Variants in GRM5 observed in about 807,000 individuals in gnomAD.
GRM5 encodes metabotropic glutamate receptor 5.
GRM5 carries 19 observed loss-of-function variants against 83.1 expected under a neutral mutation model. The ratio of observed to expected loss-of-function variants is 0.23; its 90% CI spans 0.16 to 0.34. GRM5 has a LOEUF of 0.34. GRM5 is among the 10% of genes least tolerant of loss of function. The pLI, the probability that GRM5 is intolerant of heterozygous loss-of-function variation, is 1.00. For synonymous variants in GRM5, 675 were observed against 633.6 expected (o/e 1.07, Z -0.98); for missense variants, 1,160 against 1,588.3 (o/e 0.73, Z 4.58).
At chr11:88,935,682 G>A (rs1937869538) in intron 2 of GRM5, among the ~76,000 whole-genome samples, 1 of 151,826 alleles carries the variant, frequency 6.6e-6, no homozygotes, top group Admixed American at 6.6e-5. Flanking sequence ...CTCCTTCAAC[G>A]GATGAATGAA....
rs1398397569 is a variant in GRM5, at chr11:88,634,284, T to C, written c.1147+18884A>G. On this transcript the variant is annotated intron_variant, in intron 4 of 9. Coordinates refer to ENST00000305447, the MANE Select transcript of GRM5 (RefSeq NM_001143831.3). ...TAGGCTACACTAAATTTATAAAAAA[T>C]ATTATTTTTCTTTCTTCAAATTCAC... Among the ~76,000 whole-genome samples, 3 of 152,152 alleles carry C rather than the reference T, an allele frequency of 2.0e-5. No individual in the cohort carries two copies. The East Asian group carries it at 5.8e-4, about 29-fold the overall frequency.
intron 2 of GRM5, among the ~76,000 whole-genome samples, chr11:89,034,560 A>G (rs1328416773): frequency 6.6e-6 from 1 of 151,828 alleles, no homozygotes; most frequent in East Asian, 1.9e-4. Flanking sequence ...AAGTGCTTCC[A>G]GTTCACTTTT....
At chr11:88,636,249 C>A (rs959233458) in intron 4 of GRM5, among the ~76,000 whole-genome samples, 1 of 152,208 alleles carries the variant, frequency 6.6e-6, no homozygotes, top group African/African-American at 2.4e-5. Context: ...CGGTGGCTCA[C>A]GCTTGTAATC....
chr11:88,592,858 G>T (rs1341617660), intron 6 of GRM5, among the ~76,000 whole-genome samples: 1 of 152,042 alleles, frequency 6.6e-6, no homozygotes, highest in African/African-American at 2.4e-5. Context: ...TGTTGCTTAG[G>T]CTGGGAGTGC....
chr11:88,596,440 T>C (rs1225373160), intron 6 of GRM5, among the ~76,000 whole-genome samples: 1 of 152,166 alleles, frequency 6.6e-6, no homozygotes, highest in African/African-American at 2.4e-5. Context: ...GTTCAATGTA[T>C]TTAGTATGAT....
chr11:88,749,081 C>A (rs990025437), intron 3 of GRM5, among the ~76,000 whole-genome samples: 3 of 152,182 alleles, frequency 2.0e-5, no homozygotes, highest in Non-Finnish European at 4.4e-5. Flanking sequence ...GGACCCAGAA[C>A]TGGACTGAGG....
rs181894278 is a variant in GRM5 at position 89,025,396 on chromosome 11, G to T, written c.661+21816C>A. ...CATATTGATGAAGACTTCAGTGAGA[G>T]TGAAAATATGAGAAAGGTTAATGCA... On this transcript the variant is annotated intron_variant, in intron 2 of 9. Transcript: ENST00000305447. Among the ~76,000 whole-genome samples, 4 of 151,846 alleles carry T rather than the reference G, an allele frequency of 2.6e-5. No homozygotes were observed. The East Asian group carries it at 7.7e-4, about 29-fold the overall frequency.
At chr11:88,599,546 G>A (rs1480075425) in intron 5 of GRM5, among the ~76,000 whole-genome samples, 2 of 152,146 alleles carry the variant, frequency 1.3e-5, no homozygotes, top group African/African-American at 4.8e-5. Flanking sequence ...ATTGGTATGA[G>A]CCCTTTTAAT....
intron 7 of GRM5, among the ~76,000 whole-genome samples, chr11:88,588,119 G>A (rs1285587188): frequency 1.3e-5 from 2 of 152,162 alleles, no homozygotes; most frequent in South Asian, 2.1e-4. Flanking sequence ...CAAGTAATGT[G>A]ATGACACCAT....
At chr11:88,756,626 T>C (rs1398603381) in intron 3 of GRM5, among the ~76,000 whole-genome samples, 11 of 152,132 alleles carry the variant, frequency 7.2e-5, no homozygotes, top group Non-Finnish European at 2.9e-5. Context: ...CTCTAAACTA[T>C]AAATTATAAA....
intron 2 of GRM5, among the ~76,000 whole-genome samples, chr11:88,959,277 TA>T (rs894423341): frequency 6.6e-4 from 101 of 152,026 alleles, no homozygotes; most frequent in African/African-American, 2.3e-3. Flanking sequence ...ATAGAAAAAA[TA>T]AAAACTGTGA....
intron 3 of GRM5, among the ~76,000 whole-genome samples, chr11:88,828,775 A>C (rs1231568618): frequency 6.6e-6 from 1 of 152,086 alleles, no homozygotes; most frequent in African/African-American, 2.4e-5. Flanking sequence ...ACAAATATTA[A>C]ATAAGAATTT....
chr11:88,665,448 T>G (rs562227664), intron 3 of GRM5, among the ~76,000 whole-genome samples: 39 of 152,154 alleles, frequency 2.6e-4, no homozygotes, highest in African/African-American at 8.9e-4. Flanking sequence ...ATGTTTTTCC[T>G]GGACAAAATA....
intron 2 of GRM5, among the ~76,000 whole-genome samples, chr11:89,018,291 C>G (rs1349932840): frequency 4.6e-5 from 7 of 152,030 alleles, no homozygotes; most frequent in Non-Finnish European, 1.0e-4. Flanking sequence ...CAGAATAGAG[C>G]CTTGCCCCTC....
At chr11:89,001,548 C>T (rs1940380525) in intron 2 of GRM5, among the ~76,000 whole-genome samples, 1 of 151,916 alleles carries the variant, frequency 6.6e-6, no homozygotes, top group Admixed American at 6.6e-5. Flanking sequence ...GGGTCAGGGA[C>T]GTAGTGGGTA....
chr11:88,537,687 T>C (rs1351276223), intron 8 of GRM5, among the ~76,000 whole-genome samples: 2 of 152,194 alleles, frequency 1.3e-5, no homozygotes, highest in Non-Finnish European at 2.9e-5. Context: ...TATCTATCTA[T>C]ATATGTAAAT....
intron 3 of GRM5, among the ~76,000 whole-genome samples, chr11:88,674,060 T>C (rs183455110): frequency 5.6e-4 from 85 of 151,974 alleles, no homozygotes; most frequent in Non-Finnish European, 9.4e-4. Flanking sequence ...ATTTGTATGC[T>C]GGATCTAAGA....
chr11:88,721,200 A>G (rs867847414), intron 3 of GRM5, among the ~76,000 whole-genome samples: 1 of 152,120 alleles, frequency 6.6e-6, no homozygotes, highest in African/African-American at 2.4e-5. Flanking sequence ...CACACTCAAC[A>G]ATCGTTGGCT....
chr11:88,782,188 A>T (rs1272518972), intron 3 of GRM5, among the ~76,000 whole-genome samples: 2 of 151,980 alleles, frequency 1.3e-5, no homozygotes, highest in Non-Finnish European at 2.9e-5. Flanking sequence ...AGCAGTGATA[A>T]TAATAACAAT....
Sources: gnomAD v4.1 joint callset for allele counts (sites outside exome capture counted in the v4.1 genomes callset) on GRCh38, gnomAD v4.1.1 for gene constraint, MANE v1.5 for transcripts, NCBI Gene and HGNC (gene_info 2026-07-23, HGNC 2026-07-21) for gene names.